The following ANO4 variants were observed in gnomAD, a reference collection of about 807,000 sequenced individuals.
ANO4 encodes the protein anoctamin 4.
Under a neutral mutation model 141.9 loss-of-function variants are expected in ANO4, and 69 were observed. That is an observed-to-expected ratio of 0.49 (90% CI 0.40 to 0.59). The LOEUF (loss-of-function observed/expected upper bound fraction) is 0.59, where lower values mean the gene tolerates loss of function less well. ANO4 is among the 20% of genes least tolerant of loss of function. ANO4 has a pLI of 0.00. For missense variants in ANO4, 894 were observed against 1,162.2 expected (o/e 0.77, Z 3.36); for synonymous variants, 350 against 394.3 (o/e 0.89, Z 1.33).
At chr12:100,881,547 C>T (rs889808035) in intron 1 of ANO4, among the ~76,000 whole-genome samples, 21 of 151,990 alleles carry the variant, frequency 1.4e-4, no homozygotes, top group African/African-American at 5.1e-4. Context: ...AAGCCTTAGC[C>T]ATGGATTGTG....
At chr12:100,796,837 C>A (rs1353332693) in intron 1 of ANO4, among the ~76,000 whole-genome samples, 1 of 151,950 alleles carries the variant, frequency 6.6e-6, no homozygotes, top group Non-Finnish European at 1.5e-5. Flanking sequence ...TTTGCTTAAT[C>A]TTTTTTTCTC....
chr12:100,987,753 G>A (rs546623643), intron 8 of ANO4, 83 bp downstream of exon 8: 340 of 1,553,760 alleles, frequency 2.2e-4, no homozygotes, highest in Non-Finnish European at 2.7e-4. Context: ...TTGATTCCTG[G>A]GCATGAGGAA....
At chr12:100,849,083 TA>T (rs2037734296) in intron 1 of ANO4, among the ~76,000 whole-genome samples, 1 of 152,178 alleles carries the variant, frequency 6.6e-6, no homozygotes, top group African/African-American at 2.4e-5. Flanking sequence ...AAATCATAGT[TA>T]AACATGTAAA....
intron 5 of ANO4, among the ~76,000 whole-genome samples, chr12:100,951,584 C>A (rs1424035963): frequency 6.6e-6 from 1 of 152,216 alleles, no homozygotes; most frequent in Non-Finnish European, 1.5e-5. Context: ...AATGCAGGAA[C>A]AGAAAACCAA....
At chr12:101,036,376 C>G (rs2136589664) in intron 9 of ANO4, among the ~76,000 whole-genome samples, 1 of 152,246 alleles carries the variant, frequency 6.6e-6, no homozygotes, top group Non-Finnish European at 1.5e-5. Context: ...AAATCAGTAT[C>G]TTGAAGAGAT....
chr12:100,761,060 C>G (rs2032837562), intron 3 of ANO4, among the ~76,000 whole-genome samples: 1 of 152,158 alleles, frequency 6.6e-6, no homozygotes, highest in South Asian at 2.1e-4. Context: ...ATGCCTCTAG[C>G]CATTAACGGC....
chr12:100,725,531 A>G (rs1229422193), intron 1 of ANO4, among the ~76,000 whole-genome samples: 4 of 151,818 alleles, frequency 2.6e-5, no homozygotes, highest in Non-Finnish European at 4.4e-5. Flanking sequence ...TATTTTTGGT[A>G]GAGACGGGGT....
intron 25 of ANO4, 103 bp downstream of exon 25, chr12:101,116,901 G>T (rs1268097231): frequency 4.7e-6 from 7 of 1,498,026 alleles, no homozygotes; most frequent in Non-Finnish European, 5.5e-6. Context: ...TTAAAGCAGT[G>T]ACTGTCAATC....
At position 101,066,942 on chromosome 12, in the gene ANO4, A is replaced by T. The variant is rs143532220; in HGVS notation, c.1313-12251A>T. 7.3e-4 allele frequency: 520 copies of T among 707,550 alleles called. No homozygotes were observed. The African/African-American group carries it at 8.2e-3, about 11-fold the overall frequency. The allele number at this position is 707,550 out of a possible 1,614,324, so 43.8% of individuals were successfully genotyped here. On this transcript the variant is annotated intron_variant, in intron 14 of 27. Transcript: ENST00000392977. ...GAGTTTTCTGTTACAAGGCAACATG[A>T]GGACTTTGTGTGACTACATGACACT...
At chr12:101,000,560 A>G (rs1417595180) in intron 8 of ANO4, among the ~76,000 whole-genome samples, 1 of 152,166 alleles carries the variant, frequency 6.6e-6, no homozygotes, top group Non-Finnish European at 1.5e-5. Flanking sequence ...CAGTCTCTGA[A>G]CACTTATTTT....
chr12:100,982,251 C>T (rs548991754), intron 7 of ANO4, among the ~76,000 whole-genome samples: 1 of 152,276 alleles, frequency 6.6e-6, no homozygotes, highest in African/African-American at 2.4e-5. Flanking sequence ...AAAGTGACAA[C>T]ATACCCAACC....
At chr12:100,772,135 G>A (rs778172322) in intron 3 of ANO4, among the ~76,000 whole-genome samples, 6 of 152,168 alleles carry the variant, frequency 3.9e-5, no homozygotes, top group Non-Finnish European at 8.8e-5. Flanking sequence ...GATATAGTAG[G>A]TGGTGAACTC....
At chr12:100,767,457 G>A (rs1304438193) in intron 3 of ANO4, among the ~76,000 whole-genome samples, 2 of 152,072 alleles carry the variant, frequency 1.3e-5, no homozygotes, top group Non-Finnish European at 2.9e-5. Flanking sequence ...TCTCATTTGT[G>A]TATTTTGGGG....
At chr12:100,968,110 ATTG>A (rs2043758791) in intron 5 of ANO4, among the ~76,000 whole-genome samples, 1 of 151,820 alleles carries the variant, frequency 6.6e-6, no homozygotes, top group African/African-American at 2.4e-5. Context: ...AATAAATAAT[ATTG>A]TTATTATTTA....
chr12:101,096,177 T>G (rs1159716983), intron 18 of ANO4, among the ~76,000 whole-genome samples: 1 of 149,462 alleles, frequency 6.7e-6, no homozygotes, highest in Non-Finnish European at 1.5e-5. Context: ...CTGCATAGAT[T>G]AAGAGGAAAA....
At chr12:100,953,522 T>A (rs1360741417) in intron 5 of ANO4, among the ~76,000 whole-genome samples, 4 of 152,242 alleles carry the variant, frequency 2.6e-5, no homozygotes, top group African/African-American at 4.8e-5. Context: ...GAGCAGTCTG[T>A]GGTATCTAAT....
chr12:100,822,554 G>T (rs541652961), intron 1 of ANO4, among the ~76,000 whole-genome samples: 1 of 151,972 alleles, frequency 6.6e-6, no homozygotes, highest in Non-Finnish European at 1.5e-5. Context: ...CGCACAGGGC[G>T]AGACAGAAAG....
chr12:101,103,181 T>C (rs1158001595), intron 22 of ANO4, among the ~76,000 whole-genome samples: 14 of 90,696 alleles, frequency 1.5e-4, no homozygotes, highest in African/African-American at 6.8e-4. Flanking sequence ...TTTTTAGTCA[T>C]TTTATATATA....
chr12:100,925,691 C>G (rs576447770), intron 3 of ANO4, among the ~76,000 whole-genome samples: 4 of 150,846 alleles, frequency 2.7e-5, no homozygotes, highest in South Asian at 2.1e-4. Context: ...TAATTCCTCT[C>G]CTTTTTGTTA....
Sources: gnomAD v4.1 joint callset for allele counts (sites outside exome capture counted in the v4.1 genomes callset) on GRCh38, gnomAD v4.1.1 for gene constraint, MANE v1.5 for transcripts, NCBI Gene and HGNC (gene_info 2026-07-23, HGNC 2026-07-21) for gene names.